The following POU2F1 variants were observed in gnomAD, a reference collection of about 807,000 sequenced individuals.
The protein encoded by POU2F1 is POU domain, class 2, transcription factor 1.
A neutral mutation model predicts 84.9 loss-of-function variants in POU2F1; 16 were observed. The observed-to-expected ratio is 0.19, with a 90% confidence interval of 0.13 to 0.29. The LOEUF is 0.29. POU2F1 is among the 10% of genes least tolerant of loss of function. The pLI, the probability that POU2F1 is intolerant of heterozygous loss-of-function variation, is 1.00. For missense variants in POU2F1, 738 were observed against 942.6 expected, an observed-to-expected ratio of 0.78 and a Z score of 2.84; for synonymous variants, 368 against 368.3, an observed-to-expected ratio of 1.00 and a Z score of 0.01.
At chr1:167,388,686 C>A (rs548930587) in intron 8 of POU2F1, among the ~76,000 whole-genome samples, 1 of 152,102 alleles carries the variant, frequency 6.6e-6, no homozygotes, top group Non-Finnish European at 1.5e-5. Flanking sequence ...TGCTATATAT[C>A]CAGACAACTA....
chr1:167,251,510 T>C (rs1650724064), intron 1 of POU2F1, among the ~76,000 whole-genome samples: 1 of 152,242 alleles, frequency 6.6e-6, no homozygotes, highest in Admixed American at 6.5e-5. Flanking sequence ...TGGTAGAGTA[T>C]GGAGGGAAAT....
At chr1:167,302,260 TC>T (rs1654756530) in intron 1 of POU2F1, among the ~76,000 whole-genome samples, 1 of 151,402 alleles carries the variant, frequency 6.6e-6, no homozygotes, top group Non-Finnish European at 1.5e-5. Context: ...ATTTTTTTTT[TC>T]TTTTCTTTTT....
chr1:167,397,920 G>A, intron 10 of POU2F1, 74 bp from the exon 11 acceptor site: 1 of 1,428,858 alleles, frequency 7.0e-7, no homozygotes, highest in East Asian at 2.3e-5. Context: ...CAGTTTTGTT[G>A]TTAATATGCA....
At chr1:167,253,388 C>T in intron 1 of POU2F1, among the ~76,000 whole-genome samples, 1 of 141,462 alleles carries the variant, frequency 7.1e-6, no homozygotes. Flanking sequence ...CCCCCCCCCC[C>T]CAAACACACA....
intron 9 of POU2F1, among the ~76,000 whole-genome samples, chr1:167,393,724 G>A (rs1393361503): frequency 6.6e-6 from 1 of 152,026 alleles, no homozygotes; most frequent in Non-Finnish European, 1.5e-5. Flanking sequence ...CTTATTTTTT[G>A]CTTGTTAAAT....
chr1:167,380,974 C>T (rs1647492960), intron 7 of POU2F1: 1 of 152,144 alleles, frequency 6.6e-6, no homozygotes, highest in Non-Finnish European at 1.5e-5. Context: ...CTACTCTCAG[C>T]ACTAATTATA....
intron 1 of POU2F1, among the ~76,000 whole-genome samples, chr1:167,290,133 G>A (rs144378524): frequency 2.3e-4 from 35 of 152,270 alleles, no homozygotes; most frequent in African/African-American, 8.4e-4. Flanking sequence ...GTTCATGCCT[G>A]TAATCCCAGC....
intron 1 of POU2F1, among the ~76,000 whole-genome samples, chr1:167,274,566 A>G: frequency 6.6e-6 from 1 of 152,080 alleles, no homozygotes; most frequent in East Asian, 1.9e-4. Context: ...TTGTTTTTAG[A>G]TGAATTTTGC....
intron 15 of POU2F1, 99 bp from the exon 16 acceptor site, chr1:167,415,401 G>T: frequency 1.5e-6 from 2 of 1,335,064 alleles, no homozygotes; most frequent in Middle Eastern, 1.9e-4. Flanking sequence ...TTCCTGGTGG[G>T]TTGTAGGAAA....
In POU2F1 at chr1:167,415,941, G is replaced by GAAA. The variant is rs35216157; in HGVS notation, c.*144_*146dup. ...TTGTGAGGGCAAAGGAGAGAAGGGA[G>GAAA]AAAAAAAAAAAAAAACCACACACAC... On this transcript the variant is annotated 3_prime_UTR_variant, in exon 16 of 16. Transcript: ENST00000367866. 2,137 of 430,240 alleles carry GAAA rather than the reference G, an allele frequency of 5.0e-3. 1 individual carries two copies. The highest frequency in any genetic ancestry group is 0.012 in the South Asian group (479 of 41,294). 26.7% of individuals were successfully genotyped at this position (430,240 alleles called of 1,614,324 possible).
At chr1:167,410,214 AAG>A in intron 13 of POU2F1, among the ~76,000 whole-genome samples, 1 of 152,328 alleles carries the variant, frequency 6.6e-6, no homozygotes, top group South Asian at 2.1e-4. Context: ...ATTTAACAAT[AAG>A]AACATTATGT....
At chr1:167,393,853 G>A (rs939499683) in intron 9 of POU2F1, among the ~76,000 whole-genome samples, 4 of 152,102 alleles carry the variant, frequency 2.6e-5, no homozygotes, top group Non-Finnish European at 4.4e-5. Flanking sequence ...TCAAAGAATT[G>A]CAAGGTTTAG....
At chr1:167,343,777 A>G (rs984016539) in intron 2 of POU2F1, among the ~76,000 whole-genome samples, 22 of 150,512 alleles carry the variant, frequency 1.5e-4, no homozygotes, top group African/African-American at 3.9e-4. Flanking sequence ...TAGGAACTGT[A>G]CTGTTGGGGA....
At chr1:167,353,230 T>C (rs897653906) in intron 2 of POU2F1, among the ~76,000 whole-genome samples, 2 of 152,230 alleles carry the variant, frequency 1.3e-5, no homozygotes, top group African/African-American at 4.8e-5. Flanking sequence ...TCTGTTTTGC[T>C]CTTTCGTTTT....
At chr1:167,286,147 A>G (rs1376443672) in intron 1 of POU2F1, among the ~76,000 whole-genome samples, 2 of 152,198 alleles carry the variant, frequency 1.3e-5, no homozygotes, top group African/African-American at 2.4e-5. Context: ...TGGGGGTGAT[A>G]TAGTCAGTTT....
chr1:167,399,224 T>C lies in POU2F1; in HGVS notation c.1308T>C (p.Ala436=). Reference sequence around the variant, plus strand: ...CCTCGGAAGAGATCACTATGATTGCTGATCAGCTCAATATGGAAAAAGAGG... The same window carrying C: ...CCTCGGAAGAGATCACTATGATTGCCGATCAGCTCAATATGGAAAAAGAGG... ...KPTSEEITMI[A]DQLNMEKEVI... Residue 436 remains alanine, a synonymous_variant, in exon 12 of 16, where the codon GCT becomes GCC. Transcript: ENST00000367866. 6.2e-7 allele frequency: 1 copy of C among 1,613,830 alleles called. No homozygotes were observed.
chr1:167,268,981 G>A (rs1287553111), intron 1 of POU2F1, among the ~76,000 whole-genome samples: 1 of 152,132 alleles, frequency 6.6e-6, no homozygotes, highest in Non-Finnish European at 1.5e-5. Context: ...AACAAGACAG[G>A]CAGGTGGGAA....
intron 7 of POU2F1, among the ~76,000 whole-genome samples, chr1:167,378,573 A>G (rs1647244937): frequency 1.3e-5 from 2 of 151,190 alleles, no homozygotes; most frequent in Admixed American, 1.3e-4. Context: ...TGCTGGGCTA[A>G]TTTTTGGTTT....
rs143430572 is a variant in POU2F1, at chr1:167,368,024, C to G, written c.229-2137C>G. Among the ~76,000 whole-genome samples the G allele has an allele frequency of 6.2e-4, 95 of 152,296 alleles. 1 individual carries two copies. The East Asian group carries it at 0.018, about 28-fold the overall frequency. On this transcript the variant is annotated intron_variant, in intron 3 of 15. Transcript: ENST00000367866. ...CTAAAAACAGCATTCTCTTATAAAA[C>G]TGCAGTGCAAATTTCAAATTCCAGA...
Sources: allele counts gnomAD v4.1 joint callset (sites outside exome capture counted in the v4.1 genomes callset), GRCh38; gene constraint gnomAD v4.1.1; transcripts MANE v1.5; gene names NCBI Gene and HGNC (gene_info 2026-07-23, HGNC 2026-07-21).